The following DAPK1 variants were observed in gnomAD, a reference collection of about 807,000 sequenced individuals.
DAPK1 encodes the protein death-associated protein kinase 1.
In DAPK1, 56 loss-of-function variants were observed where a neutral mutation model predicts 144.9. The observed-to-expected ratio is 0.39, with a 90% CI of 0.31 to 0.48. The LOEUF (loss-of-function observed/expected upper bound fraction) is 0.48, where lower values mean the gene tolerates loss of function less well. DAPK1 is among the 20% of genes least tolerant of loss of function. The pLI is 0.95. For synonymous variants in DAPK1, 690 were observed against 749.0 expected (o/e 0.92, Z 1.29); for missense variants, 1,454 against 1,875.4 (o/e 0.78, Z 4.15).
In DAPK1 at chr9:87,618,251, G is replaced by T. The variant is rs529530536; in HGVS notation, c.284+13076G>T. Among the ~76,000 whole-genome samples, 50 of 152,292 alleles carry T rather than the reference G, an allele frequency of 3.3e-4. No homozygotes were observed. The South Asian group carries it at 1.0e-2, about 30-fold the overall frequency. ...GTGAGATGGCGCTTCACACCCACTA[G>T]GATGGCTCTAATCAAAAAGACAGGC... On this transcript the variant is annotated intron_variant, in intron 3 of 25. Transcript: ENST00000408954.
intron 22 of DAPK1, among the ~76,000 whole-genome samples, chr9:87,697,490 CA>C (rs753354917): frequency 1.4e-4 from 21 of 152,316 alleles, no homozygotes; most frequent in Non-Finnish European, 2.6e-4. Flanking sequence ...CCACTTTGAA[CA>C]ATCCTTTGAG....
Position 87,651,723 on chromosome 9 carries a change from A to G in DAPK1, c.1823A>G (p.Lys608Arg). ...EANCNLDISN[K>R]YGRTPLHLAA... ...AACTGCAATTTGGACATCTCCAACA[A>G]GGTATGCACAGAGAACAGGATCCCT... The change falls in exon 17 of 26, where the codon AAG becomes AGG. Residue 608 changes from lysine to arginine, a missense_variant and splice_region_variant. Around this residue, in one of 2 missense-constraint regions of DAPK1, gnomAD observed 1,025 missense variants for 1,237.9 expected, o/e 0.83. Transcript: ENST00000408954. The G allele has an allele frequency of 6.2e-7, 1 of 1,613,778 alleles. No individual in the cohort carries two copies. Among genetic ancestry groups the G allele is most frequent in the Non-Finnish European group, 8.5e-7 (1 of 1,179,776 alleles).
At chr9:87,567,025 C>T (rs572081910) in intron 2 of DAPK1, among the ~76,000 whole-genome samples, 1 of 151,636 alleles carries the variant, frequency 6.6e-6, no homozygotes, top group African/African-American at 2.4e-5. Context: ...GAGAAGCTCC[C>T]CAGAATTCAC....
Position 87,706,695 on chromosome 9 carries a change from CT to C in DAPK1, c.3625del (p.Cys1209AlafsTer23). The C allele has an allele frequency of 1.2e-6, 2 of 1,611,904 alleles. No individual in the cohort carries two copies. The highest frequency in any genetic ancestry group is 1.7e-6 in the Non-Finnish European group (2 of 1,178,836). On this transcript the variant is annotated frameshift_variant, in exon 26 of 26. Transcript: ENST00000408954. LOFTEE classifies it high-confidence loss of function. The surrounding 1 kb of genome is among the most constrained non-coding windows in gnomAD (Gnocchi z 9.0). ...RGLETEKIKC[C>X]LLLDSVCSTI... is the part of the protein sequence containing the mutation. The stretch of plus-strand genomic sequence containing the variant: ...GCCTGGAGACGGAGAAGATCAAGTG[CT>C]GCCTGCTGCTGGACTCGGTGTGCAG...
chr9:87,574,648 G>A (rs578218422), intron 2 of DAPK1, among the ~76,000 whole-genome samples: 8 of 152,318 alleles, frequency 5.3e-5, no homozygotes, highest in South Asian at 2.1e-4. Flanking sequence ...GACCAGGCAC[G>A]GTGGCTCCCG....
At chr9:87,615,357 C>T (rs1245795349) in intron 3 of DAPK1, among the ~76,000 whole-genome samples, 4 of 152,186 alleles carry the variant, frequency 2.6e-5, no homozygotes, top group Non-Finnish European at 5.9e-5. Flanking sequence ...GTGCTTGTTC[C>T]GTGTTGAAAT....
chr9:87,699,766 C>T (rs1357664913), intron 23 of DAPK1, among the ~76,000 whole-genome samples: 1 of 152,172 alleles, frequency 6.6e-6, no homozygotes, highest in African/African-American at 2.4e-5. Flanking sequence ...TTCTTAGTCC[C>T]TCCACTTTCC....
chr9:87,688,803 T>A (rs774488599), intron 21 of DAPK1, among the ~76,000 whole-genome samples: 1 of 152,220 alleles, frequency 6.6e-6, no homozygotes, highest in African/African-American at 2.4e-5. Flanking sequence ...CTTGTTCAAC[T>A]CTTTAAGTTC....
chr9:87,578,430 T>G (rs534035297), intron 2 of DAPK1, among the ~76,000 whole-genome samples: 1 of 152,366 alleles, frequency 6.6e-6, no homozygotes, highest in East Asian at 1.9e-4. Flanking sequence ...TCTTCCATGA[T>G]GGGTACAAAT....
At chr9:87,668,878 A>G (rs1332887723) in intron 19 of DAPK1, 2 of 550,404 alleles carry the variant, frequency 3.6e-6, no homozygotes, top group Non-Finnish European at 3.2e-6. Context: ...TGGACTTGGA[A>G]ATCATTTAGC....
At chr9:87,636,061 C>G (rs1829884609) in intron 3 of DAPK1, among the ~76,000 whole-genome samples, 1 of 152,208 alleles carries the variant, frequency 6.6e-6, no homozygotes, top group African/African-American at 2.4e-5. Flanking sequence ...AGCGGGAGGC[C>G]TTGCCTTGTT....
intron 2 of DAPK1, among the ~76,000 whole-genome samples, chr9:87,549,087 C>T (rs1454259983): frequency 6.6e-6 from 1 of 152,050 alleles, no homozygotes; most frequent in African/African-American, 2.4e-5. Flanking sequence ...TCCTGATGCT[C>T]TCCCTCCCTG....
intron 2 of DAPK1, among the ~76,000 whole-genome samples, chr9:87,538,384 A>G (rs867637094): frequency 4.6e-5 from 7 of 152,202 alleles, no homozygotes; most frequent in Non-Finnish European, 8.8e-5. Flanking sequence ...TTTCCCAAGC[A>G]TATCTGTAGA....
At chr9:87,662,571 T>TTTTTTG (rs1830897037) in intron 18 of DAPK1, among the ~76,000 whole-genome samples, 1 of 121,306 alleles carries the variant, frequency 8.2e-6, no homozygotes, top group Non-Finnish European at 1.8e-5. Flanking sequence ...TTTTTTTTTT[T>TTTTTTG]TTTTTTTTTT....
intron 2 of DAPK1, among the ~76,000 whole-genome samples, chr9:87,509,769 G>A (rs1434240344): frequency 6.6e-6 from 1 of 152,226 alleles, no homozygotes; most frequent in Non-Finnish European, 1.5e-5. Flanking sequence ...TGAACTGCTG[G>A]GAGTGATGCC....
Position 87,707,581 on chromosome 9 carries a change from A to C in DAPK1, c.*217A>C. ...ATGGTCATTGCAGTTTAAGAGCAGA[A>C]CAGATCTTTTACTTTGGCCGCTTGA... On this transcript the variant is annotated 3_prime_UTR_variant, in exon 26 of 26. Transcript: ENST00000408954. This position sits in a 1 kb window ranked among gnomAD's most constrained non-coding sequence, Gnocchi z 4.0. The C allele has an allele frequency of 5.1e-6, 3 of 584,002 alleles. No individual in the cohort carries two copies. The highest frequency in any genetic ancestry group is 9.1e-6 in the Non-Finnish European group (3 of 329,640). 36.2% of individuals were successfully genotyped at this position (584,002 alleles called of 1,614,324 possible). A position where few individuals can be genotyped will look rare whatever the true frequency, so the allele number is the denominator to read the frequency against.
In DAPK1 at chr9:87,597,858, C is replaced by G. The variant is rs1407681264; in HGVS notation, c.63-7096C>G. 2.0e-5 allele frequency among the ~76,000 whole-genome samples: 3 copies of G among 152,290 alleles called. No individual in the cohort carries two copies. In the South Asian group the frequency reaches 6.2e-4, roughly 32 times the overall value. On this transcript the variant is annotated intron_variant, in intron 2 of 25. Coordinates refer to ENST00000408954, the MANE Select transcript of DAPK1 (RefSeq NM_004938.4). ...GTTCCTCCTCTCGGAAACCCTGTCC[C>G]TAAACACACACCTTCTTCCACTCCT...
intron 3 of DAPK1, among the ~76,000 whole-genome samples, chr9:87,617,685 A>G (rs190748003): frequency 5.5e-4 from 83 of 152,262 alleles, no homozygotes; most frequent in African/African-American, 1.8e-3. Context: ...CTCCTAATCA[A>G]TTGGTAATCC....
intron 21 of DAPK1, among the ~76,000 whole-genome samples, chr9:87,692,974 T>C (rs1825122435): frequency 3.2e-5 from 4 of 125,938 alleles, no homozygotes; most frequent in African/African-American, 1.4e-4. Flanking sequence ...TTTTTTTTTT[T>C]TTTTTTTTTT....
Sources: allele counts gnomAD v4.1 joint callset (sites outside exome capture counted in the v4.1 genomes callset), GRCh38; gene constraint gnomAD v4.1.1; regional missense constraint gnomAD v4.1.1; non-coding constraint Gnocchi (gnomAD v3.1); transcripts MANE v1.5; gene names NCBI Gene and HGNC (gene_info 2026-07-23, HGNC 2026-07-21).